The following LIN52 variants were observed in gnomAD, a reference collection of about 807,000 sequenced individuals.
LIN52 encodes lin-52 DREAM MuvB core complex component, also known as protein lin-52 homolog.
A neutral mutation model predicts 18.5 loss-of-function variants in LIN52; 4 were observed. That is an observed-to-expected ratio of 0.22 (90% confidence interval 0.11 to 0.49). The LOEUF is 0.49. Among genes scored for constraint, LIN52 ranks in the 20% least tolerant of loss-of-function variants. LIN52 has a pLI of 0.97. For synonymous variants in LIN52, 34 were observed against 45.5 expected (o/e 0.75, Z 1.02); for missense variants, 102 against 139.5 (o/e 0.73, Z 1.35).
chr14:74,197,983 CCA>C (rs1188988234), intron 5 of LIN52, among the ~76,000 whole-genome samples: 3 of 152,164 alleles, frequency 2.0e-5, no homozygotes, highest in Non-Finnish European at 4.4e-5. Context: ...TCTTGGGAGA[CCA>C]CACAGCCTAC....
At chr14:74,197,204 A>G (rs1391102827) in intron 5 of LIN52, among the ~76,000 whole-genome samples, 1 of 152,170 alleles carries the variant, frequency 6.6e-6, no homozygotes, top group Non-Finnish European at 1.5e-5. Flanking sequence ...TTGCATTTCT[A>G]CTTGGTTCTA....
intron 5 of LIN52, among the ~76,000 whole-genome samples, chr14:74,191,871 G>C (rs1265746528): frequency 1.3e-5 from 2 of 152,062 alleles, no homozygotes; most frequent in Non-Finnish European, 2.9e-5. Context: ...TCCTGACCTC[G>C]TGATCTGCCC....
intron 5 of LIN52, among the ~76,000 whole-genome samples, chr14:74,160,626 CCATA>C (rs1208219094): frequency 6.6e-6 from 1 of 152,120 alleles, no homozygotes; most frequent in Non-Finnish European, 1.5e-5. Context: ...ACAGTTTAGG[CCATA>C]CCGGTTTTCA....
chr14:74,108,248 G>A (rs894973528), intron 5 of LIN52, among the ~76,000 whole-genome samples: 4 of 152,022 alleles, frequency 2.6e-5, no homozygotes, highest in South Asian at 2.1e-4. Context: ...GTATAGATAC[G>A]CCACATTGTA....
intron 5 of LIN52, among the ~76,000 whole-genome samples, chr14:74,134,188 C>T (rs1280100690): frequency 6.6e-6 from 1 of 152,146 alleles, no homozygotes; most frequent in Non-Finnish European, 1.5e-5. Context: ...ACTTGTGAAT[C>T]GGAGTGGAGA....
At chr14:74,176,020 T>C (rs1255363306) in intron 5 of LIN52, among the ~76,000 whole-genome samples, 1 of 152,038 alleles carries the variant, frequency 6.6e-6, no homozygotes, top group East Asian at 1.9e-4. Flanking sequence ...CTACACATGG[T>C]TAGGATCATG....
At chr14:74,144,292 T>TC (rs2061144986) in intron 5 of LIN52, among the ~76,000 whole-genome samples, 1 of 151,414 alleles carries the variant, frequency 6.6e-6, no homozygotes, top group Non-Finnish European at 1.5e-5. Context: ...TTTTTTTTTT[T>TC]AATTGGAGCC....
chr14:74,186,206 C>T (rs149443840), intron 5 of LIN52, among the ~76,000 whole-genome samples: 2,576 of 151,726 alleles, frequency 0.017, 63 homozygotes, highest in East Asian at 0.055. Flanking sequence ...GCGGGAGAAT[C>T]GCTTGAACCC....
intron 5 of LIN52, among the ~76,000 whole-genome samples, chr14:74,120,754 CAA>C (rs386381782): frequency 2.3e-4 from 24 of 106,072 alleles, no homozygotes; most frequent in Admixed American, 2.1e-4. Flanking sequence ...GACTCCCTCT[CAA>C]AAAAAAAAAA....
intron 5 of LIN52, among the ~76,000 whole-genome samples, chr14:74,141,627 G>A (rs2061131691): frequency 6.6e-6 from 1 of 152,150 alleles, no homozygotes. Context: ...AAATTCTGGA[G>A]GTAAAGCTTT....
chr14:74,197,937 A>G (rs1566872957), intron 5 of LIN52, among the ~76,000 whole-genome samples: 1 of 152,208 alleles, frequency 6.6e-6, no homozygotes, highest in South Asian at 2.1e-4. Context: ...GTGCCTCCCT[A>G]GCCACCTCAC....
chr14:74,177,239 C>T (rs2061298245), intron 5 of LIN52, among the ~76,000 whole-genome samples: 1 of 152,146 alleles, frequency 6.6e-6, no homozygotes, highest in Admixed American at 6.6e-5. Flanking sequence ...CTCAGGTGAT[C>T]TGCCTGCCTC....
At chr14:74,147,024 C>T (rs555619791) in intron 5 of LIN52, among the ~76,000 whole-genome samples, 13 of 152,144 alleles carry the variant, frequency 8.5e-5, no homozygotes, top group African/African-American at 2.9e-4. Flanking sequence ...TTTGGGACGC[C>T]GAGGTGGGTG....
At chr14:74,173,899 C>T (rs1033680943) in intron 5 of LIN52, among the ~76,000 whole-genome samples, 2 of 152,154 alleles carry the variant, frequency 1.3e-5, no homozygotes, top group African/African-American at 2.4e-5. Context: ...CGTTCTCTTG[C>T]GAGAACAAAG....
chr14:74,183,586 G>C (rs2061328632), intron 5 of LIN52, among the ~76,000 whole-genome samples: 1 of 152,072 alleles, frequency 6.6e-6, no homozygotes, highest in South Asian at 2.1e-4. Flanking sequence ...ATTTGGTGAG[G>C]TTTTCTTTTT....
rs35991875 is a variant in LIN52, at chr14:74,163,984, AT to A, written c.284-34923del. Among the ~76,000 whole-genome samples, 424 of 146,558 alleles carry A rather than the reference AT, an allele frequency of 2.9e-3. 3 individuals carry two copies. The highest frequency in any genetic ancestry group is 8.9e-3 in the African/African-American group (356 of 39,812). ...AGTGGAAGATGGGGTCTGTACTGAA[AT>A]TTTTTTTTTTTTTTGAGACAGAGAC... On this transcript the variant is annotated intron_variant, in intron 5 of 5. Coordinates refer to ENST00000555028, the MANE Select transcript of LIN52 (RefSeq NM_001024674.3).
intron 5 of LIN52, among the ~76,000 whole-genome samples, chr14:74,143,283 C>T (rs1295758793): frequency 6.6e-6 from 1 of 152,128 alleles, no homozygotes; most frequent in Non-Finnish European, 1.5e-5. Context: ...GGCATAGTGG[C>T]TTATGCCTGT....
intron 5 of LIN52, among the ~76,000 whole-genome samples, chr14:74,157,792 C>T (rs1297106495): frequency 6.6e-6 from 1 of 152,098 alleles, no homozygotes; most frequent in Non-Finnish European, 1.5e-5. Flanking sequence ...TCACAAAGTG[C>T]CTTCCTGACA....
rs2078932474 is a variant in LIN52 at position 74,199,176 on chromosome 14, A to C, written c.*199A>C. 1 of 460,994 alleles carries C rather than the reference A, an allele frequency of 2.2e-6. No homozygotes were observed. Among genetic ancestry groups the C allele is most frequent in the Non-Finnish European group, 3.8e-6 (1 of 260,214 alleles). 28.6% of individuals were successfully genotyped at this position (460,994 alleles called of 1,614,324 possible). A position where few individuals can be genotyped will look rare whatever the true frequency, so the allele number is the denominator to read the frequency against. ...GAAGAATCTGCTCTACCCAAGGATCATTGCAGTTACTCAATCAACTTTCAG... is the reference window on the plus strand; with the variant it reads ...GAAGAATCTGCTCTACCCAAGGATCCTTGCAGTTACTCAATCAACTTTCAG... On this transcript the variant is annotated 3_prime_UTR_variant, in exon 6 of 6. Transcript: ENST00000555028.
Sources: allele counts gnomAD v4.1 joint callset (sites outside exome capture counted in the v4.1 genomes callset), GRCh38; gene constraint gnomAD v4.1.1; transcripts MANE v1.5; gene names NCBI Gene and HGNC (gene_info 2026-07-23, HGNC 2026-07-21).